RAB11FIP1: variants seen among roughly 807,000 people sequenced by gnomAD.
RAB11FIP1 encodes the protein rab11 family-interacting protein 1.
A neutral mutation model predicts 83.1 loss-of-function variants in RAB11FIP1; 49 were observed. The ratio of observed to expected loss-of-function variants is 0.59; its 90% confidence interval spans 0.47 to 0.75. The LOEUF (loss-of-function observed/expected upper bound fraction) is 0.75. RAB11FIP1 is among the 30% of genes least tolerant of loss of function. The pLI is 0.00. For missense variants in RAB11FIP1, 1,536 were observed against 1,598.7 expected (o/e 0.96, Z 0.67); for synonymous variants, 670 against 656.0 (o/e 1.02, Z -0.33).
At chr8:37,877,653 C>G in intron 1 of RAB11FIP1, 102 bp from the exon 2 acceptor site, 2 of 684,298 alleles carry the variant, frequency 2.9e-6, no homozygotes, top group South Asian at 3.5e-5. Flanking sequence ...CCAGCAGCCT[C>G]TTCAATGCAT....
intron 1 of RAB11FIP1, among the ~76,000 whole-genome samples, chr8:37,885,553 CACAAG>C (rs948055267): frequency 1.3e-5 from 2 of 152,008 alleles, no homozygotes; most frequent in Non-Finnish European, 2.9e-5. Context: ...TTTGGTCAAA[CACAAG>C]ACAAGGCACA....
At chr8:37,884,980 G>A (rs553456081) in intron 1 of RAB11FIP1, among the ~76,000 whole-genome samples, 28 of 151,282 alleles carry the variant, frequency 1.9e-4, no homozygotes, top group Non-Finnish European at 3.2e-4. Flanking sequence ...CATTGCACTC[G>A]GCCTATATTT....
chr8:37,880,529 A>G (rs978333422), intron 1 of RAB11FIP1, among the ~76,000 whole-genome samples: 1 of 152,080 alleles, frequency 6.6e-6, no homozygotes, highest in Non-Finnish European at 1.5e-5. Context: ...CCTGACCTCA[A>G]GTGATCCACC....
At chr8:37,876,210 AAAGAAAGGAAGGAAGGAAGG>A (rs1337907418) in intron 2 of RAB11FIP1, among the ~76,000 whole-genome samples, 5 of 129,584 alleles carry the variant, frequency 3.9e-5, no homozygotes, top group Non-Finnish European at 6.7e-5. Context: ...AAAAGAAAAG[AAAGAAAGGAAGGAAGGAAGG>A]AAGGAAGGAA....
intron 5 of RAB11FIP1, among the ~76,000 whole-genome samples, chr8:37,869,047 A>T (rs986811694): frequency 1.3e-5 from 2 of 151,694 alleles, no homozygotes; most frequent in African/African-American, 2.4e-5. Flanking sequence ...GAGCAACATG[A>T]TGAAACCTCA....
chr8:37,866,055 G>T (rs1396950722), intron 5 of RAB11FIP1, among the ~76,000 whole-genome samples: 1 of 152,132 alleles, frequency 6.6e-6, no homozygotes, highest in East Asian at 1.9e-4. Flanking sequence ...ATAAAACAGG[G>T]CCAGGCATGG....
In RAB11FIP1 at chr8:37,899,253, C is replaced by T. The variant is rs1210708137; in HGVS notation, c.189G>A (p.Ala63=). The change falls in exon 1 of 6, where the codon GCG becomes GCA. Residue 63 remains alanine, a synonymous_variant. Transcript: ENST00000330843. This position sits in a 1 kb window ranked among gnomAD's most constrained non-coding sequence, Gnocchi z 4.5. ...ATSVSERSLG[A]PVWREEATFE... The stretch of plus-strand genomic sequence containing the variant: ...AGGTGGCCTCCTCGCGCCACACGGG[C>T]GCGCCCAGGCTGCGCTCCGACACGG... 1 of 1,602,208 alleles carries T rather than the reference C, an allele frequency of 6.2e-7. No individual in the cohort carries two copies. Among genetic ancestry groups the T allele is most frequent in the Non-Finnish European group, 8.5e-7 (1 of 1,176,932 alleles).
At position 37,872,506 on chromosome 8, in the gene RAB11FIP1, C is replaced by T; in HGVS notation, c.2296G>A (p.Asp766Asn). ...GGGGGCGCCACTTCTTCAGCTGCAT[C>T]CCTGGCTTTGCTCTCCACAAGAGAC... The part of the protein sequence containing the change: ...AGSLVESKAR[D>N]AAEEVAPPLP... The change falls in exon 4 of 6, where the codon GAT becomes AAT. Residue 766 changes from aspartate (D) to asparagine (N), a missense_variant. Asp to Asn is a conservative substitution (Grantham distance 23). Coordinates refer to ENST00000330843, the MANE Select transcript of RAB11FIP1 (RefSeq NM_001002814.3). 1 of 1,614,186 alleles carries T rather than the reference C, an allele frequency of 6.2e-7. No individual in the cohort carries two copies. The highest frequency in any genetic ancestry group is 8.5e-7 in the Non-Finnish European group (1 of 1,180,028).
In RAB11FIP1 at chr8:37,894,723, CATATAT is replaced by C. The variant is rs140765783; in HGVS notation, c.371+4342_371+4347del. ...ATACATATATATACATATATATATACATATATATATATATATACACACACACACATA... is the reference window on the plus strand; with the variant it reads ...ATACATATATATACATATATATATACATATATATATACACACACACACATA... On this transcript the variant is annotated intron_variant, in intron 1 of 5. Transcript: ENST00000330843. Among the ~76,000 whole-genome samples, 122 of 142,038 alleles carry C rather than the reference CATATAT, an allele frequency of 8.6e-4. 1 individual carries two copies. The highest frequency in any genetic ancestry group is 3.1e-3 in the African/African-American group (117 of 38,000). 93.2% of individuals were successfully genotyped at this position (142,038 alleles called of 152,430 possible). A position where few individuals can be genotyped will look rare whatever the true frequency, so the allele number is the denominator to read the frequency against.
chr8:37,877,384 T>C lies in RAB11FIP1; in HGVS notation c.539A>G (p.Lys180Arg). ...GGTGTCTGACCCACTGTCCTTATTCTTCCCCTTGATCTTGTCCTTCAGCTT... is the reference window on the plus strand; with the variant it reads ...GGTGTCTGACCCACTGTCCTTATTCCTCCCCTTGATCTTGTCCTTCAGCTT... ...FGKLKDKIKG[K>R]NKDSGSDTAS... The change falls in exon 2 of 6, where the codon AAG becomes AGG. Residue 180 changes from lysine to arginine, a missense_variant. Lys to Arg is a conservative substitution (Grantham distance 26). Coordinates refer to ENST00000330843, the MANE Select transcript of RAB11FIP1 (RefSeq NM_001002814.3). 27 of 1,614,212 alleles carry C rather than the reference T, an allele frequency of 1.7e-5. No homozygotes were observed. The highest frequency in any genetic ancestry group is 2.3e-5 in the Non-Finnish European group (27 of 1,180,026).
rs184375080 is a variant in RAB11FIP1, at chr8:37,892,802, T to A, written c.371+6269A>T. On this transcript the variant is annotated intron_variant, in intron 1 of 5. Transcript: ENST00000330843. ...CCTCCTAAGTAAAGCCTCGCCTTCC[T>A]CTTCAGCCTCATCTTACACAAGCAC... is the stretch of plus-strand genomic sequence containing the variant. Among the ~76,000 whole-genome samples the A allele has an allele frequency of 2.2e-4, 34 of 152,278 alleles. 1 individual carries two copies. Among genetic ancestry groups the A allele is most frequent in the African/African-American group, 8.2e-4 (34 of 41,558 alleles).
chr8:37,883,716 C>T (rs1806768742), intron 1 of RAB11FIP1, among the ~76,000 whole-genome samples: 1 of 152,144 alleles, frequency 6.6e-6, no homozygotes, highest in Non-Finnish European at 1.5e-5. Context: ...AGAAGTAGCT[C>T]ATAAATAATA....
rs1806484161 is a variant in RAB11FIP1, at chr8:37,872,233, G to A, written c.2569C>T (p.Pro857Ser). The A allele has an allele frequency of 2.0e-5, 33 of 1,613,980 alleles. No individual in the cohort carries two copies. Among genetic ancestry groups the A allele is most frequent in the Non-Finnish European group, 2.8e-5 (33 of 1,180,018 alleles). ...TCCCTTTCTGAGTCCTCTGCGTGGG[G>A]AGACTCAGGAGGCTCTCCGTCAGAC... Reference protein sequence around the residue: ...NASDGEPPESPHAEDSERESV... With the variant: ...NASDGEPPESSHAEDSERESV... Residue 857 changes from proline to serine, a missense_variant, in exon 4 of 6, where the codon CCC (proline) becomes TCC (serine). Coordinates refer to ENST00000330843, the MANE Select transcript of RAB11FIP1 (RefSeq NM_001002814.3).
In RAB11FIP1 at chr8:37,872,514, T is replaced by C; in HGVS notation, c.2288A>G (p.Lys763Arg). ...CACTTCTTCAGCTGCATCCCTGGCTTTGCTCTCCACAAGAGACCCAGCCTG... is the reference window on the plus strand; with the variant it reads ...CACTTCTTCAGCTGCATCCCTGGCTCTGCTCTCCACAAGAGACCCAGCCTG... ...ESQAGSLVES[K>R]ARDAAEEVAP... The change falls in exon 4 of 6, where the codon AAA becomes AGA. Residue 763 changes from lysine to arginine, a missense_variant. Transcript: ENST00000330843. 1 of 1,614,152 alleles carries C rather than the reference T, an allele frequency of 6.2e-7. No individual in the cohort carries two copies. The highest frequency in any genetic ancestry group is 1.3e-5 in the African/African-American group (1 of 75,040).
At chr8:37,865,196 A>T (rs1229426235) in intron 5 of RAB11FIP1, among the ~76,000 whole-genome samples, 2 of 152,158 alleles carry the variant, frequency 1.3e-5, no homozygotes, top group African/African-American at 4.8e-5. Context: ...AAGTCTCAAT[A>T]CATAAGATAC....
chr8:37,883,146 A>C (rs1256166574), intron 1 of RAB11FIP1, among the ~76,000 whole-genome samples: 1 of 152,002 alleles, frequency 6.6e-6, no homozygotes, highest in Non-Finnish European at 1.5e-5. Context: ...AAAGCAAAAC[A>C]AGAATTGTTT....
rs1806489429 is a variant in RAB11FIP1, at chr8:37,872,409, A to T, written c.2393T>A (p.Leu798His). The change falls in exon 4 of 6, where the codon CTC becomes CAC. Residue 798 changes from leucine to histidine, a missense_variant. Physicochemically the swap from Leu to His is moderately conservative, Grantham distance 99. Coordinates refer to ENST00000330843, the MANE Select transcript of RAB11FIP1 (RefSeq NM_001002814.3). ...MRKLEEMGLN[L>H]RKDQKKTKKR... The stretch of plus-strand genomic sequence containing the variant: ...CTTGGTTTTCTTCTGGTCCTTGCGG[A>T]GGTTCAGACCCATCTCTTCCAGCTT... 3 of 1,613,948 alleles carry T rather than the reference A, an allele frequency of 1.9e-6. No individual in the cohort carries two copies. The East Asian group carries it at 6.7e-5, about 36-fold the overall frequency.
Position 37,880,632 on chromosome 8 carries a change from G to T in RAB11FIP1, c.372-3081C>A, listed in dbSNP as rs556261919. On this transcript the variant is annotated intron_variant, in intron 1 of 5. Transcript: ENST00000330843. ...TTTAATTAGCTGGGTGCAGTGGTGCGTACTTAATAGTCCCAACTACTTGGG... is the reference window on the plus strand; with the variant it reads ...TTTAATTAGCTGGGTGCAGTGGTGCTTACTTAATAGTCCCAACTACTTGGG... Among the ~76,000 whole-genome samples, 9 of 151,814 alleles carry T rather than the reference G, an allele frequency of 5.9e-5. 1 individual carries two copies. Among genetic ancestry groups the T allele is most frequent in the African/African-American group, 2.2e-4 (9 of 41,420 alleles).
rs1563363835 is a variant in RAB11FIP1, at chr8:37,862,066, C to T, written c.*829G>A. ...AGCGAGTGCGTGGACCACCCAATCC[C>T]CTAGCAAAGCGCTGAATAGGCTGGT... On this transcript the variant is annotated 3_prime_UTR_variant, in exon 6 of 6. Coordinates refer to ENST00000330843, the MANE Select transcript of RAB11FIP1 (RefSeq NM_001002814.3). 6.5e-6 allele frequency: 1 copy of T among 153,644 alleles called. No homozygotes were observed. The highest frequency in any genetic ancestry group is 1.5e-5 in the Non-Finnish European group (1 of 68,936). 9.5% of individuals were successfully genotyped at this position (153,644 alleles called of 1,614,324 possible).
Sources: gnomAD v4.1 joint callset for allele counts (sites outside exome capture counted in the v4.1 genomes callset) on GRCh38, gnomAD v4.1.1 for gene constraint, Gnocchi (gnomAD v3.1) non-coding constraint, MANE v1.5 for transcripts, NCBI Gene and HGNC (gene_info 2026-07-23, HGNC 2026-07-21) for gene names.